Variants in EXOC4 observed in about 807,000 individuals in gnomAD.
The protein encoded by EXOC4 is SEC8-like 1.
In EXOC4, 71 loss-of-function variants were observed where a neutral mutation model predicts 107.2. The observed-to-expected ratio is 0.66, with a 90% CI of 0.55 to 0.81. The LOEUF (loss-of-function observed/expected upper bound fraction) is 0.81, where lower values mean the gene tolerates loss of function less well. Among genes scored for constraint, EXOC4 ranks in the 30% least tolerant of loss-of-function variants. The pLI is 0.00. For synonymous variants in EXOC4, 456 were observed against 441.2 expected (o/e 1.03, Z -0.42); for missense variants, 1,108 against 1,189.6 (o/e 0.93, Z 1.01).
At chr7:133,947,849 G>A (rs916224663) in intron 14 of EXOC4, among the ~76,000 whole-genome samples, 1 of 152,184 alleles carries the variant, frequency 6.6e-6, no homozygotes, top group Non-Finnish European at 1.5e-5. Flanking sequence ...TAAGTGTGGT[G>A]GCTGGAAGCT....
At chr7:133,551,158 A>G (rs1800580681) in intron 9 of EXOC4, among the ~76,000 whole-genome samples, 1 of 152,120 alleles carries the variant, frequency 6.6e-6, no homozygotes, top group Admixed American at 6.6e-5. Flanking sequence ...CCTGACTGAT[A>G]TATTACCCAA....
rs144492077 is a variant in EXOC4 at position 134,011,504 on chromosome 7, T to G, written c.2687+3669T>G. ...TGCTCCTCAGTTTTTCCCCTGATTT[T>G]GGTTTTTTTTGGACTGGTATCTTTC... is the stretch of plus-strand genomic sequence containing the variant. On this transcript the variant is annotated intron_variant, in intron 17 of 17. Transcript: ENST00000253861. Among the ~76,000 whole-genome samples the G allele has an allele frequency of 4.8e-3, 730 of 152,288 alleles. 6 individuals are homozygous for G. Among genetic ancestry groups the G allele is most frequent in the African/African-American group, 0.016 (682 of 41,550 alleles).
chr7:133,515,399 A>G (rs1281432160), intron 9 of EXOC4, among the ~76,000 whole-genome samples: 3 of 152,140 alleles, frequency 2.0e-5, no homozygotes, highest in African/African-American at 7.2e-5. Context: ...GCACATATAT[A>G]CATATATATA....
At chr7:133,629,229 A>C (rs1260954035) in intron 9 of EXOC4, among the ~76,000 whole-genome samples, 2 of 152,138 alleles carry the variant, frequency 1.3e-5, no homozygotes, top group Non-Finnish European at 2.9e-5. Context: ...TCTTAGTGAT[A>C]CATAAAATAA....
chr7:133,714,731 A>C (rs1453897334), intron 10 of EXOC4, among the ~76,000 whole-genome samples: 2 of 152,218 alleles, frequency 1.3e-5, no homozygotes, highest in African/African-American at 2.4e-5. Context: ...CGTAGGTTAC[A>C]TGCCAATACT....
At chr7:133,355,070 T>C (rs568002169) in intron 5 of EXOC4, among the ~76,000 whole-genome samples, 1 of 152,300 alleles carries the variant, frequency 6.6e-6, no homozygotes, top group Admixed American at 6.5e-5. Flanking sequence ...AGTAGAGGTT[T>C]TATGGACTTT....
At chr7:133,557,129 G>A (rs979832374) in intron 9 of EXOC4, among the ~76,000 whole-genome samples, 3 of 152,156 alleles carry the variant, frequency 2.0e-5, no homozygotes, top group Non-Finnish European at 2.9e-5. Context: ...GTTGGACCAA[G>A]GAGACAGGTA....
Position 133,753,554 on chromosome 7 carries a change from G to A in EXOC4, c.1515-63771G>A, listed in dbSNP as rs149350200. Among the ~76,000 whole-genome samples, 360 of 152,292 alleles carry A rather than the reference G, an allele frequency of 2.4e-3. 5 individuals are homozygous for A. The highest frequency in any genetic ancestry group is 8.1e-3 in the African/African-American group (337 of 41,556). The stretch of plus-strand genomic sequence containing the variant: ...AGAGATATACTGAAGACATTAAATC[G>A]CCCTACCAGGGGAGGTGCAGAAGAG... On this transcript the variant is annotated intron_variant, in intron 10 of 17. Transcript: ENST00000253861.
chr7:133,844,281 A>C (rs138041540), intron 11 of EXOC4, among the ~76,000 whole-genome samples: 1 of 150,380 alleles, frequency 6.6e-6, no homozygotes, highest in Non-Finnish European at 1.5e-5. Context: ...ATTTCTGTCA[A>C]TTGCCTGTGT....
intron 10 of EXOC4, among the ~76,000 whole-genome samples, chr7:133,744,723 C>T (rs369033005): frequency 6.6e-5 from 10 of 152,276 alleles, no homozygotes; most frequent in African/African-American, 2.2e-4. Flanking sequence ...TCTGTAAAAC[C>T]TCCAGCAAGT....
chr7:134,012,173 T>C (rs1794784748), intron 17 of EXOC4, among the ~76,000 whole-genome samples: 2 of 152,134 alleles, frequency 1.3e-5, no homozygotes, highest in Admixed American at 6.5e-5. Flanking sequence ...TTAGAAGGTT[T>C]GGAGCAGAAG....
At chr7:133,551,982 G>A (rs1005380832) in intron 9 of EXOC4, among the ~76,000 whole-genome samples, 4 of 152,024 alleles carry the variant, frequency 2.6e-5, no homozygotes, top group African/African-American at 4.8e-5. Flanking sequence ...TTGAGTCTTC[G>A]TGAGAAGATG....
chr7:133,733,531 TCAA>T (rs1196993622), intron 10 of EXOC4: 1 of 152,072 alleles, frequency 6.6e-6, no homozygotes, highest in African/African-American at 2.4e-5. Flanking sequence ...GGAAAATGGA[TCAA>T]CAACTTTCTT....
At chr7:133,381,146 A>G (rs2150700974) in intron 7 of EXOC4, among the ~76,000 whole-genome samples, 2 of 152,328 alleles carry the variant, frequency 1.3e-5, no homozygotes, top group Middle Eastern at 6.8e-3. Flanking sequence ...AGAGGTTCAT[A>G]TAAATATTTT....
At chr7:134,087,233 G>C in the EXOC4 span, among the ~76,000 whole-genome samples, 135 of 152,198 alleles carry the variant, frequency 8.9e-4, no homozygotes, top group Non-Finnish European at 8.5e-4. Flanking sequence ...TAACTTCAAG[G>C]TTTGCAGAGG....
the EXOC4 span, among the ~76,000 whole-genome samples, chr7:134,075,550 C>A: frequency 6.6e-6 from 1 of 152,182 alleles, no homozygotes; most frequent in African/African-American, 2.4e-5. Flanking sequence ...CATCAGATCT[C>A]ATGAGACTTA....
At chr7:133,413,716 A>G (rs1265343997) in intron 7 of EXOC4, among the ~76,000 whole-genome samples, 1 of 152,164 alleles carries the variant, frequency 6.6e-6, no homozygotes, top group East Asian at 1.9e-4. Context: ...TATTTGCACT[A>G]TAGGTCAAAC....
chr7:133,605,141 CTG>C (rs1801908854), intron 9 of EXOC4, among the ~76,000 whole-genome samples: 1 of 152,166 alleles, frequency 6.6e-6, no homozygotes, highest in African/African-American at 2.4e-5. Flanking sequence ...GTAGGTGTGT[CTG>C]TGTATGAACA....
chr7:134,058,019 G>A (rs1293622896), intron 17 of EXOC4, among the ~76,000 whole-genome samples: 1 of 152,140 alleles, frequency 6.6e-6, no homozygotes, highest in Non-Finnish European at 1.5e-5. Flanking sequence ...TTATTTATGG[G>A]ATGATTATCT....
Sources: gnomAD v4.1 joint callset for allele counts (sites outside exome capture counted in the v4.1 genomes callset) on GRCh38, gnomAD v4.1.1 for gene constraint, MANE v1.5 for transcripts, NCBI Gene and HGNC (gene_info 2026-07-23, HGNC 2026-07-21) for gene names.